Variants in GRM3 observed in about 807,000 individuals in gnomAD.
The protein encoded by GRM3 is metabotropic glutamate receptor 3.
In GRM3, 26 loss-of-function variants were observed where a neutral mutation model predicts 70.5. The observed-to-expected ratio is 0.37, with a 90% CI of 0.27 to 0.51. The LOEUF (loss-of-function observed/expected upper bound fraction) is 0.51, where lower values mean the gene tolerates loss of function less well. Ranked by LOEUF, GRM3 falls within the 20% of genes least tolerant of loss-of-function variation. The pLI is 0.93. For synonymous variants in GRM3, 443 were observed against 434.9 expected (o/e 1.02, Z -0.23); for missense variants, 859 against 1,123.8 (o/e 0.76, Z 3.37).
At chr7:86,764,567 G>T (rs1796554746) in intron 1 of GRM3, among the ~76,000 whole-genome samples, 1 of 151,928 alleles carries the variant, frequency 6.6e-6, no homozygotes. Flanking sequence ...AAATGGAAAG[G>T]GTAAGAGTCC....
At chr7:86,772,189 CTT>C (rs1047247445) in intron 2 of GRM3, among the ~76,000 whole-genome samples, 1 of 151,924 alleles carries the variant, frequency 6.6e-6, no homozygotes, top group African/African-American at 2.4e-5. Flanking sequence ...GAGAGTAAGT[CTT>C]TGTTGAATGA....
intron 3 of GRM3, among the ~76,000 whole-genome samples, chr7:86,787,814 G>A (rs1338754416): frequency 1.3e-5 from 2 of 152,174 alleles, no homozygotes; most frequent in African/African-American, 2.4e-5. Flanking sequence ...TCATACAAAG[G>A]TGTATTCAAA....
In GRM3 at chr7:86,851,756, C is replaced by T. The variant is rs139632996; in HGVS notation, c.2566+1212C>T. 9.9e-5 allele frequency among the ~76,000 whole-genome samples: 15 copies of T among 152,230 alleles called. No individual in the cohort carries two copies. The East Asian group carries it at 2.7e-3, about 27-fold the overall frequency. On this transcript the variant is annotated intron_variant, in intron 5 of 5. Transcript: ENST00000361669. ...TCCTGTCTTTCCAGCTAAACTCCAA[C>T]GTGTCACAAAAGTTGAGCTTCAGGG...
intron 1 of GRM3, among the ~76,000 whole-genome samples, chr7:86,715,576 C>A (rs1795294785): frequency 1.3e-5 from 2 of 151,950 alleles, no homozygotes; most frequent in Non-Finnish European, 2.9e-5. Context: ...GTCATATATC[C>A]TCAGAACCTG....
chr7:86,695,355 T>C (rs1426749511), intron 1 of GRM3, among the ~76,000 whole-genome samples: 1 of 152,200 alleles, frequency 6.6e-6, no homozygotes, highest in Non-Finnish European at 1.5e-5. Flanking sequence ...ATATAATCCC[T>C]AGAATTAAAA....
intron 3 of GRM3, among the ~76,000 whole-genome samples, chr7:86,834,489 G>A (rs186205818): frequency 1.3e-5 from 2 of 151,730 alleles, no homozygotes; most frequent in Admixed American, 1.3e-4. Flanking sequence ...AGGATATCTT[G>A]TGCCTACCTC....
At chr7:86,813,592 T>C (rs1035859459) in intron 3 of GRM3, among the ~76,000 whole-genome samples, 5 of 151,864 alleles carry the variant, frequency 3.3e-5, no homozygotes, top group Middle Eastern at 3.4e-3. Flanking sequence ...AGTAATGAAG[T>C]ATGAGTTAAG....
At chr7:86,770,246 T>A (rs190541476) in intron 2 of GRM3, among the ~76,000 whole-genome samples, 17 of 152,124 alleles carry the variant, frequency 1.1e-4, no homozygotes, top group Non-Finnish European at 2.4e-4. Context: ...TCCCTGAGTG[T>A]TAAAGCGACT....
chr7:86,762,632 G>A (rs939228543), intron 1 of GRM3, among the ~76,000 whole-genome samples: 27 of 152,148 alleles, frequency 1.8e-4, no homozygotes, highest in African/African-American at 6.3e-4. Flanking sequence ...AATAGCAATA[G>A]CAAACATTTC....
chr7:86,824,540 G>A (rs1293370728), intron 3 of GRM3, among the ~76,000 whole-genome samples: 1 of 152,176 alleles, frequency 6.6e-6, no homozygotes. Context: ...GGCTACAAGA[G>A]AGGAGTGGGT....
chr7:86,655,534 C>T (rs1793713347), intron 1 of GRM3, among the ~76,000 whole-genome samples: 1 of 149,498 alleles, frequency 6.7e-6, no homozygotes, highest in African/African-American at 2.5e-5. Flanking sequence ...CAAACAGTCT[C>T]AATTCAAAAA....
intron 1 of GRM3, among the ~76,000 whole-genome samples, chr7:86,725,198 C>T (rs1795563131): frequency 6.6e-6 from 1 of 152,134 alleles, no homozygotes; most frequent in Non-Finnish European, 1.5e-5. Flanking sequence ...AGAAACAATA[C>T]TAATCTTTAA....
chr7:86,840,592 T>G (rs1798540939), intron 4 of GRM3, among the ~76,000 whole-genome samples: 1 of 152,098 alleles, frequency 6.6e-6, no homozygotes, highest in Non-Finnish European at 1.5e-5. Flanking sequence ...CCATCTCTTT[T>G]GAAAGAAACT....
At chr7:86,730,608 C>T (rs1795710531) in intron 1 of GRM3, among the ~76,000 whole-genome samples, 1 of 152,152 alleles carries the variant, frequency 6.6e-6, no homozygotes. Context: ...AACATATTCC[C>T]AAATTAACTT....
Position 86,774,345 on chromosome 7 carries a change from G to C in GRM3, c.468+8732G>C, listed in dbSNP as rs776150831. 5.3e-4 allele frequency among the ~76,000 whole-genome samples: 81 copies of C among 152,094 alleles called. 1 individual carries two copies. The highest frequency in any genetic ancestry group is 3.6e-3 in the Admixed American group (55 of 15,238). On this transcript the variant is annotated intron_variant, in intron 2 of 5. Coordinates refer to ENST00000361669, the MANE Select transcript of GRM3 (RefSeq NM_000840.3). ...TAATTAGCAGACTTTGGGAATTTAAGAATAGTGTTCCAAAAACACCTGCAG... is the reference window on the plus strand; with the variant it reads ...TAATTAGCAGACTTTGGGAATTTAACAATAGTGTTCCAAAAACACCTGCAG...
chr7:86,721,248 A>T (rs1442395592), intron 1 of GRM3, among the ~76,000 whole-genome samples: 1 of 152,072 alleles, frequency 6.6e-6, no homozygotes, highest in Non-Finnish European at 1.5e-5. Flanking sequence ...TATTTAACAG[A>T]TGAAAGCTTT....
chr7:86,741,785 T>A (rs1168926805), intron 1 of GRM3, among the ~76,000 whole-genome samples: 2 of 152,204 alleles, frequency 1.3e-5, no homozygotes, highest in Non-Finnish European at 2.9e-5. Flanking sequence ...CTGGATTAGA[T>A]GATTGCTAAG....
chr7:86,782,643 T>C (rs1414833198), intron 2 of GRM3, among the ~76,000 whole-genome samples: 2 of 152,238 alleles, frequency 1.3e-5, no homozygotes, highest in Non-Finnish European at 2.9e-5. Context: ...TTCTATGTTG[T>C]ATATGGGGAC....
At chr7:86,749,322 T>C (rs371277214) in intron 1 of GRM3, among the ~76,000 whole-genome samples, 8 of 152,014 alleles carry the variant, frequency 5.3e-5, no homozygotes, top group African/African-American at 1.7e-4. Context: ...GGGTTACTTG[T>C]AGGCTGTGAG....
Sources: allele counts gnomAD v4.1 joint callset (sites outside exome capture counted in the v4.1 genomes callset), GRCh38; gene constraint gnomAD v4.1.1; transcripts MANE v1.5; gene names NCBI Gene and HGNC (gene_info 2026-07-23, HGNC 2026-07-21).